AKT2: variants seen among roughly 807,000 people sequenced by gnomAD.
The protein encoded by AKT2 is RAC-beta serine/threonine-protein kinase.
In AKT2, 16 loss-of-function variants were observed where a neutral mutation model predicts 58.6. The observed-to-expected ratio is 0.27, with a 90% confidence interval of 0.18 to 0.41. The LOEUF (loss-of-function observed/expected upper bound fraction) is 0.41. Ranked by LOEUF, AKT2 falls within the 10% of genes least tolerant of loss-of-function variation. The pLI is 1.00. For synonymous variants in AKT2, 253 were observed against 254.0 expected, an observed-to-expected ratio of 1.00 and a Z score of 0.04; for missense variants, 438 against 661.0, an observed-to-expected ratio of 0.66 and a Z score of 3.70.
In AKT2 at chr19:40,242,509, C is replaced by T. The variant is rs770395183; in HGVS notation, c.441+25G>A. 6.2e-7 allele frequency: 1 copy of T among 1,612,652 alleles called. No homozygotes were observed. On this transcript the variant is annotated intron_variant, in intron 5 of 13. Transcript: ENST00000392038. The surrounding 1 kb of genome is among the most constrained non-coding windows in gnomAD (Gnocchi z 4.3). The stretch of plus-strand genomic sequence containing the variant: ...GGGTGGGGGCACCGCAGGCTGGCAG[C>T]CCCACCCCTGCTCCCAGCACTTACC...
At position 40,234,956 on chromosome 19, in the gene AKT2, A is replaced by C; in HGVS notation, c.1366+89T>G. Reference sequence around the variant, plus strand: ...CCCAGACATGAAGCGGGGGCCTTCGAGGGCCCTCCTTGAGAAGTGAGTTAA... The same window carrying C: ...CCCAGACATGAAGCGGGGGCCTTCGCGGGCCCTCCTTGAGAAGTGAGTTAA... On this transcript the variant is annotated intron_variant, in intron 13 of 13. Transcript: ENST00000392038. The surrounding 1 kb of genome is among the most constrained non-coding windows in gnomAD (Gnocchi z 4.7). 1 of 1,214,648 alleles carries C rather than the reference A, an allele frequency of 8.2e-7. No individual in the cohort carries two copies. The highest frequency in any genetic ancestry group is 1.2e-6 in the Non-Finnish European group (1 of 825,076). The allele number at this position is 1,214,648 out of a possible 1,614,324, so 75.2% of individuals were successfully genotyped here. A position where few individuals can be genotyped will look rare whatever the true frequency, so the allele number is the denominator to read the frequency against.
At position 40,238,383 on chromosome 19, in the gene AKT2, A is replaced by C. The variant is rs1974162937; in HGVS notation, c.709-292T>G. On this transcript the variant is annotated intron_variant, in intron 8 of 13. Coordinates refer to ENST00000392038, the MANE Select transcript of AKT2 (RefSeq NM_001626.6). The surrounding 1 kb of genome is among the most constrained non-coding windows in gnomAD (Gnocchi z 5.1). ...AAAGAAGCACACGTCATGACCAAGT[A>C]ACAATAGGCCATGGGCAAGCCCAGA... 6.6e-6 allele frequency among the ~76,000 whole-genome samples: 1 copy of C among 152,182 alleles called. No individual in the cohort carries two copies. The highest frequency in any genetic ancestry group is 2.1e-4 in the South Asian group (1 of 4,834).
In AKT2 at chr19:40,235,078, C is replaced by A. The variant is rs1371711287; in HGVS notation, c.1333G>T (p.Ala445Ser). ...DTRYFDDEFT[A>S]QSITITPPDR... ...GGGGGTGTGATTGTGATGGACTGGG[C>A]GGTAAATTCATCATCGAAGTACCTT... The change falls in exon 13 of 14, where the codon GCC becomes TCC. Residue 445 changes from alanine (A) to serine (S), a missense_variant. By Grantham distance (99) the Ala-to-Ser change is moderately conservative. Transcript: ENST00000392038. This position sits in a 1 kb window ranked among gnomAD's most constrained non-coding sequence, Gnocchi z 6.3. The A allele has an allele frequency of 6.2e-7, 1 of 1,614,130 alleles. No homozygotes were observed. Among genetic ancestry groups the A allele is most frequent in the Admixed American group, 1.7e-5 (1 of 60,026 alleles).
At chr19:40,266,795 C>G (rs1335723192) in intron 1 of AKT2, among the ~76,000 whole-genome samples, 1 of 152,024 alleles carries the variant, frequency 6.6e-6, no homozygotes, top group African/African-American at 2.4e-5. Context: ...TAATTTTTTT[C>G]TACAAAAAAA....
At chr19:40,246,785 G>A (rs889238546) in intron 4 of AKT2, among the ~76,000 whole-genome samples, 53 of 152,242 alleles carry the variant, frequency 3.5e-4, no homozygotes, top group South Asian at 1.4e-3. Flanking sequence ...ATGGGAATCA[G>A]GAGCACAGGC....
rs766822499 is a variant in AKT2, at chr19:40,235,994, G to T, written c.1071C>A (p.Arg357=). 3.1e-6 allele frequency: 5 copies of T among 1,613,994 alleles called. No individual in the cohort carries two copies. The highest frequency in any genetic ancestry group is 3.4e-6 in the Non-Finnish European group (4 of 1,180,034). Residue 357 remains arginine, a synonymous_variant, in exon 11 of 14, where the codon CGC becomes CGA. Coordinates refer to ENST00000392038, the MANE Select transcript of AKT2 (RefSeq NM_001626.6). This position sits in a 1 kb window ranked among gnomAD's most constrained non-coding sequence, Gnocchi z 6.3. The part of the protein sequence containing the change: ...RLPFYNQDHE[R]LFELILMEEI... ...CTTCCATGAGGATGAGCTCGAAGAGGCGCTCGTGGTCCTGGTTGTAGAAGG... is the reference window on the plus strand; with the variant it reads ...CTTCCATGAGGATGAGCTCGAAGAGTCGCTCGTGGTCCTGGTTGTAGAAGG...
chr19:40,246,958 G>A (rs770178213), intron 4 of AKT2, among the ~76,000 whole-genome samples: 64 of 152,206 alleles, frequency 4.2e-4, no homozygotes, highest in African/African-American at 1.5e-3. Flanking sequence ...GGAGGGTGCC[G>A]AAGACACTCG....
At chr19:40,239,989 C>T (rs763372658) in intron 7 of AKT2, 56 bp downstream of exon 7, 4 of 1,580,576 alleles carry the variant, frequency 2.5e-6, no homozygotes, top group Non-Finnish European at 3.5e-6. Flanking sequence ...GGCTCTCTCT[C>T]TGAGCTCTGT....
rs140298279 is a variant in AKT2 at position 40,232,080 on chromosome 19, G to T, written c.*1792C>A. ...TTAGCCTAAGCAGCACTGAGGGCCT[G>T]GAGTGGTCTCTGTCCACCCCACCCC... On this transcript the variant is annotated 3_prime_UTR_variant, in exon 14 of 14. Transcript: ENST00000392038. The T allele has an allele frequency of 2.1e-4, 48 of 233,602 alleles. No homozygotes were observed. The highest frequency in any genetic ancestry group is 2.5e-3 in the Middle Eastern group (2 of 794). 14.5% of individuals were successfully genotyped at this position (233,602 alleles called of 1,614,324 possible).
chr19:40,239,864 C>T (rs563211543), intron 7 of AKT2, 181 bp downstream of exon 7: 30 of 752,482 alleles, frequency 4.0e-5, no homozygotes, highest in East Asian at 7.9e-5. Context: ...TCCCACTCCC[C>T]GAGCCTGCTC....
intron 1 of AKT2, among the ~76,000 whole-genome samples, chr19:40,284,370 G>A (rs2077476894): frequency 6.6e-6 from 1 of 152,098 alleles, no homozygotes; most frequent in Non-Finnish European, 1.5e-5. Context: ...CCTCCCCTAT[G>A]GAAGGAAAGA....
chr19:40,279,288 AG>A, intron 1 of AKT2: 1 of 152,622 alleles, frequency 6.6e-6, no homozygotes, highest in Non-Finnish European at 1.5e-5. Flanking sequence ...TCCTGCCCCA[AG>A]GGGGCCAGGC....
rs149144089 is a variant in AKT2, at chr19:40,258,989, C to A, written c.47-1935G>T. Among the ~76,000 whole-genome samples the A allele has an allele frequency of 1.8e-3, 267 of 152,160 alleles. 1 individual carries two copies. Among genetic ancestry groups the A allele is most frequent in the Non-Finnish European group, 3.2e-3 (220 of 67,998 alleles). On this transcript the variant is annotated intron_variant, in intron 2 of 13. Transcript: ENST00000392038. ...AAAGAAAAATAAAGTTAAATACTTT[C>A]CAATTTCAAAATTTACTATACAAAG...
intron 2 of AKT2, among the ~76,000 whole-genome samples, chr19:40,258,257 A>AC (rs920335809): frequency 4.0e-5 from 6 of 151,082 alleles, no homozygotes; most frequent in African/African-American, 1.5e-4. Flanking sequence ...AAAAAAAAAA[A>AC]AAAAAACAAA....
chr19:40,237,593 C>T lies in AKT2; in HGVS notation c.831+376G>A, dbSNP rs1022280247. On this transcript the variant is annotated intron_variant, in intron 9 of 13. Transcript: ENST00000392038. The surrounding 1 kb of genome is among the most constrained non-coding windows in gnomAD (Gnocchi z 4.5). ...CCGGGAGGCAGAGGTTGCAGCGAGC[C>T]GAGATCACACCACTGCACTCAACAG... 6 of 207,930 alleles carry T rather than the reference C, an allele frequency of 2.9e-5. No individual in the cohort carries two copies. The highest frequency in any genetic ancestry group is 5.0e-5 in the Non-Finnish European group (5 of 100,594). The allele number at this position is 207,930 out of a possible 1,614,324, so 12.9% of individuals were successfully genotyped here. A position where few individuals can be genotyped will look rare whatever the true frequency, so the allele number is the denominator to read the frequency against.
At chr19:40,239,411 C>G in intron 7 of AKT2, 1 of 266,490 alleles carries the variant, frequency 3.8e-6, no homozygotes, top group East Asian at 1.0e-4. Context: ...AGGAGATCTA[C>G]AGAGAGTTCC....
chr19:40,262,935 C>T (rs1270869565), intron 2 of AKT2, among the ~76,000 whole-genome samples: 1 of 152,200 alleles, frequency 6.6e-6, no homozygotes, highest in South Asian at 2.1e-4. Context: ...CCCACCTCTG[C>T]CAGCTGCTAC....
At chr19:40,276,285 A>ACTTCCAGG (rs1359489765) in intron 1 of AKT2, among the ~76,000 whole-genome samples, 1 of 132,106 alleles carries the variant, frequency 7.6e-6, no homozygotes, top group Middle Eastern at 4.0e-3. Flanking sequence ...TGACTCTACC[A>ACTTCCAGG]CTTCCAGGCT....
intron 2 of AKT2, among the ~76,000 whole-genome samples, chr19:40,263,330 T>G (rs1976097282): frequency 6.6e-6 from 1 of 152,104 alleles, no homozygotes; most frequent in South Asian, 2.1e-4. Context: ...CAACAACCAT[T>G]TACTGAGTGC....
Sources: allele counts gnomAD v4.1 joint callset (sites outside exome capture counted in the v4.1 genomes callset), GRCh38; gene constraint gnomAD v4.1.1; non-coding constraint Gnocchi (gnomAD v3.1); transcripts MANE v1.5; gene names NCBI Gene and HGNC (gene_info 2026-07-23, HGNC 2026-07-21).